COL22A1: variants seen among roughly 807,000 people sequenced by gnomAD.
The protein encoded by COL22A1 is collagen type XXII alpha 1 chain.
In COL22A1, 221 loss-of-function variants were observed where a neutral mutation model predicts 248.9. The observed-to-expected ratio is 0.89, with a 90% CI of 0.80 to 0.99. The LOEUF (loss-of-function observed/expected upper bound fraction) is 0.99, where lower values mean the gene tolerates loss of function less well. Ranked by LOEUF, COL22A1 falls within the 50% of genes least tolerant of loss-of-function variation. The pLI is 0.00. For synonymous variants in COL22A1, 891 were observed against 793.4 expected (o/e 1.12, Z -2.07); for missense variants, 2,240 against 2,179.0 (o/e 1.03, Z -0.56).
chr8:138,635,050 A>T lies in COL22A1; in HGVS notation c.3569T>A (p.Val1190Asp). Residue 1190 changes from valine to aspartate, a missense_variant, in exon 49 of 65, where the codon GTT becomes GAT. Coordinates refer to ENST00000303045, the MANE Select transcript of COL22A1 (RefSeq NM_152888.3). Reference sequence around the variant, plus strand: ...CCCTGGGGGCCCCATGAAACCTGGAACTCCAGGATGACCCTAGGAAAACAC... The same window carrying T: ...CCCTGGGGGCCCCATGAAACCTGGATCTCCAGGATGACCCTAGGAAAACAC... ...GQKGDQGHPGVPGFMGPPGNP... is the reference protein window; with the variant it reads ...GQKGDQGHPGDPGFMGPPGNP... The T allele has an allele frequency of 6.2e-7, 1 of 1,609,582 alleles. No individual in the cohort carries two copies.
chr8:138,800,143 G>A (rs1328374181), intron 11 of COL22A1, among the ~76,000 whole-genome samples: 2 of 152,158 alleles, frequency 1.3e-5, no homozygotes, highest in Non-Finnish European at 2.9e-5. Flanking sequence ...CTCTTGGAAC[G>A]GTGCCCTGGC....
At chr8:138,707,341 G>A (rs1053968870) in intron 30 of COL22A1, among the ~76,000 whole-genome samples, 11 of 152,074 alleles carry the variant, frequency 7.2e-5, no homozygotes, top group African/African-American at 2.7e-4. Context: ...CAAAAAAAGA[G>A]AATTTTAGAC....
chr8:138,853,391 A>G (rs1821779963), intron 3 of COL22A1, among the ~76,000 whole-genome samples: 1 of 152,154 alleles, frequency 6.6e-6, no homozygotes, highest in South Asian at 2.1e-4. Flanking sequence ...TCCTCTAATA[A>G]TGACTCATGA....
rs762850453 is a variant in COL22A1 at position 138,807,761 on chromosome 8, TA to T, written c.1494+6del. Reference sequence around the variant, plus strand: ...CTAAACTACACCTCTGCCATGCCTGTACTGACCTTTGGACCAGGGAGCCCCA... The same window carrying T: ...CTAAACTACACCTCTGCCATGCCTGTCTGACCTTTGGACCAGGGAGCCCCA... On this transcript the variant is annotated splice_donor_region_variant and intron_variant, in intron 10 of 64. Coordinates refer to ENST00000303045, the MANE Select transcript of COL22A1 (RefSeq NM_152888.3). 7 of 1,613,718 alleles carry T rather than the reference TA, an allele frequency of 4.3e-6. No individual in the cohort carries two copies. The East Asian group carries it at 1.6e-4, about 36-fold the overall frequency.
At chr8:138,666,940 C>A (rs898051559) in intron 41 of COL22A1, among the ~76,000 whole-genome samples, 3 of 152,176 alleles carry the variant, frequency 2.0e-5, no homozygotes, top group South Asian at 2.1e-4. Flanking sequence ...CTTCTCTGAC[C>A]TTCACTTTTC....
chr8:138,626,287 C>G, intron 50 of COL22A1, 44 bp from the exon 51 acceptor site: 1 of 1,506,410 alleles, frequency 6.6e-7, no homozygotes, highest in Non-Finnish European at 9.2e-7. Context: ...CCTCTGCTGG[C>G]TTTTCTGGAA....
intron 56 of COL22A1, among the ~76,000 whole-genome samples, chr8:138,608,877 C>T (rs1178315715): frequency 2.0e-5 from 3 of 152,190 alleles, no homozygotes; most frequent in East Asian, 3.9e-4. Context: ...AGAGTCTACG[C>T]CTTGTCGTTC....
At chr8:138,889,227 T>C (rs1166607040) in intron 1 of COL22A1, among the ~76,000 whole-genome samples, 5 of 152,146 alleles carry the variant, frequency 3.3e-5, no homozygotes, top group Non-Finnish European at 7.3e-5. Context: ...AAACCCACAC[T>C]CTTTCCCTGA....
chr8:138,753,778 T>C (rs1291234016), intron 21 of COL22A1, among the ~76,000 whole-genome samples: 1 of 152,186 alleles, frequency 6.6e-6, no homozygotes, highest in Non-Finnish European at 1.5e-5. Context: ...TCATTTACTG[T>C]AACAAAATCT....
intron 16 of COL22A1, among the ~76,000 whole-genome samples, chr8:138,773,125 T>C (rs565393363): frequency 6.6e-6 from 1 of 152,338 alleles, no homozygotes; most frequent in East Asian, 1.9e-4. Context: ...CTGTGTGACT[T>C]ACACCCACTT....
chr8:138,723,634 G>T (rs890637415), intron 25 of COL22A1, among the ~76,000 whole-genome samples: 4 of 152,302 alleles, frequency 2.6e-5, no homozygotes, highest in African/African-American at 9.6e-5. Context: ...AATGTTTATT[G>T]GTGACGTTGC....
intron 3 of COL22A1, among the ~76,000 whole-genome samples, chr8:138,873,091 C>T (rs926517593): frequency 6.6e-6 from 1 of 152,170 alleles, no homozygotes; most frequent in Non-Finnish European, 1.5e-5. Flanking sequence ...AAAGCACTCA[C>T]TCTTAGGCAG....
chr8:138,769,946 A>G (rs1266736330), intron 16 of COL22A1, among the ~76,000 whole-genome samples: 2 of 152,156 alleles, frequency 1.3e-5, no homozygotes, highest in East Asian at 3.9e-4. Context: ...ACCTTCTACC[A>G]GGTGCCAAGC....
intron 34 of COL22A1, 47 bp from the exon 35 acceptor site, chr8:138,693,746 T>C: frequency 6.5e-7 from 1 of 1,543,076 alleles, no homozygotes; most frequent in Non-Finnish European, 8.8e-7. Context: ...CCCTCAGTGA[T>C]GCTGTTTCCC....
intron 62 of COL22A1, among the ~76,000 whole-genome samples, chr8:138,595,199 C>A (rs763203445): frequency 3.3e-5 from 5 of 152,098 alleles, no homozygotes; most frequent in Non-Finnish European, 7.4e-5. Context: ...CAGAGTGTCT[C>A]CCTCCTACTA....
At chr8:138,826,972 G>A (rs963950007) in intron 5 of COL22A1, among the ~76,000 whole-genome samples, 191 bp from the exon 6 acceptor site, 9 of 152,024 alleles carry the variant, frequency 5.9e-5, no homozygotes, top group South Asian at 2.1e-4. Flanking sequence ...CTAGACCATC[G>A]TCATGACCCC....
At chr8:138,649,869 C>T in intron 45 of COL22A1, 91 bp from the exon 46 acceptor site, 1 of 730,038 alleles carries the variant, frequency 1.4e-6, no homozygotes, top group Non-Finnish European at 2.2e-6. Context: ...TGCTATCTCT[C>T]CAGATGGAGA....
At chr8:138,639,070 A>G (rs1223856154) in intron 47 of COL22A1, among the ~76,000 whole-genome samples, 2 of 152,166 alleles carry the variant, frequency 1.3e-5, no homozygotes, top group African/African-American at 4.8e-5. Context: ...ATGATATCCC[A>G]TTACATATAT....
intron 30 of COL22A1, among the ~76,000 whole-genome samples, chr8:138,710,699 G>A (rs777554786): frequency 9.2e-5 from 14 of 151,908 alleles, no homozygotes; most frequent in South Asian, 2.1e-4. Context: ...GCAAATGGCC[G>A]AACCTGGTTT....
Sources: allele counts gnomAD v4.1 joint callset (sites outside exome capture counted in the v4.1 genomes callset), GRCh38; gene constraint gnomAD v4.1.1; transcripts MANE v1.5; gene names NCBI Gene and HGNC (gene_info 2026-07-23, HGNC 2026-07-21).